SEMA3A: variants seen among roughly 807,000 people sequenced by gnomAD.
SEMA3A encodes semaphorin-3A.
In SEMA3A, 29 loss-of-function variants were observed where a neutral mutation model predicts 97.9. The ratio of observed to expected loss-of-function variants is 0.30; its 90% CI spans 0.22 to 0.40. SEMA3A has a LOEUF of 0.40. Among genes scored for constraint, SEMA3A ranks in the 10% least tolerant of loss-of-function variants. SEMA3A has a pLI of 1.00. For missense variants in SEMA3A, 763 were observed against 951.3 expected (o/e 0.80, Z 2.60); for synonymous variants, 321 against 323.7 (o/e 0.99, Z 0.09).
At chr7:84,116,988 C>G (rs1795451111) in intron 3 of SEMA3A, among the ~76,000 whole-genome samples, 1 of 152,152 alleles carries the variant, frequency 6.6e-6, no homozygotes, top group Non-Finnish European at 1.5e-5. Flanking sequence ...TTTTCACCAT[C>G]AGAACATACA....
chr7:84,429,516 TTATATATATATATATATATA>T (rs10523978), intron 1 of SEMA3A, among the ~76,000 whole-genome samples: 25 of 72,390 alleles, frequency 3.5e-4, no homozygotes, highest in East Asian at 3.0e-3. Context: ...ATAGAGTTTG[TTATATATATATATATATATA>T]TATATATATA....
chr7:84,051,497 T>G (rs1302203802), intron 5 of SEMA3A, among the ~76,000 whole-genome samples: 1 of 152,162 alleles, frequency 6.6e-6, no homozygotes, highest in Admixed American at 6.5e-5. Context: ...TCACTCATGA[T>G]TTGGCTCTCT....
intron 1 of SEMA3A, among the ~76,000 whole-genome samples, chr7:84,459,725 A>G (rs1805775219): frequency 6.6e-6 from 1 of 152,176 alleles, no homozygotes; most frequent in African/African-American, 2.4e-5. Context: ...TTTTGATTTA[A>G]TTAATAAAAT....
At chr7:84,027,239 T>C (rs963666018) in intron 6 of SEMA3A, among the ~76,000 whole-genome samples, 6 of 152,216 alleles carry the variant, frequency 3.9e-5, no homozygotes, top group Non-Finnish European at 8.8e-5. Context: ...TTGTTCCCAG[T>C]TGAATTTCCT....
At chr7:84,403,482 G>T (rs533726173) in intron 1 of SEMA3A, among the ~76,000 whole-genome samples, 1 of 152,176 alleles carries the variant, frequency 6.6e-6, no homozygotes, top group African/African-American at 2.4e-5. Context: ...GGGCACAGAC[G>T]AACAAAAGAT....
At chr7:84,162,885 A>G (rs1240254224) in intron 1 of SEMA3A, among the ~76,000 whole-genome samples, 6 of 152,184 alleles carry the variant, frequency 3.9e-5, no homozygotes, top group African/African-American at 1.4e-4. Flanking sequence ...TGCTAGCTGC[A>G]TTAGATTTGT....
intron 1 of SEMA3A, among the ~76,000 whole-genome samples, chr7:84,425,590 A>T (rs1237309993): frequency 6.8e-6 from 1 of 146,546 alleles, no homozygotes; most frequent in East Asian, 2.0e-4. Flanking sequence ...TGATATAAAT[A>T]TAAACATATT....
chr7:84,464,982 G>GT (rs1805953464), intron 1 of SEMA3A, among the ~76,000 whole-genome samples: 1 of 152,104 alleles, frequency 6.6e-6, no homozygotes, highest in African/African-American at 2.4e-5. Flanking sequence ...TATGTGAGGA[G>GT]TAAACATAAA....
At chr7:84,239,783 A>G (rs1799317452) in intron 3 of SEMA3A, among the ~76,000 whole-genome samples, 1 of 152,104 alleles carries the variant, frequency 6.6e-6, no homozygotes, top group African/African-American at 2.4e-5. Flanking sequence ...AATGAAACTG[A>G]TTTTGTGAAT....
chr7:84,016,406 C>T (rs1012870286), intron 6 of SEMA3A, among the ~76,000 whole-genome samples: 1 of 151,860 alleles, frequency 6.6e-6, no homozygotes, highest in African/African-American at 2.4e-5. Context: ...AGCGTGGTGG[C>T]GGGCTCCTGT....
intron 1 of SEMA3A, among the ~76,000 whole-genome samples, chr7:84,468,189 C>T (rs1338393760): frequency 1.3e-5 from 2 of 152,166 alleles, no homozygotes; most frequent in Non-Finnish European, 2.9e-5. Flanking sequence ...AATTGGAACA[C>T]TCTCTTCCCC....
At chr7:84,281,490 G>C (rs1358266033) in intron 3 of SEMA3A, among the ~76,000 whole-genome samples, 2 of 152,138 alleles carry the variant, frequency 1.3e-5, no homozygotes, top group Non-Finnish European at 2.9e-5. Flanking sequence ...ATTATACTTG[G>C]ATAGGATTAG....
intron 4 of SEMA3A, among the ~76,000 whole-genome samples, chr7:84,065,673 C>A (rs1318226032): frequency 5.3e-5 from 8 of 151,962 alleles, no homozygotes; most frequent in Non-Finnish European, 7.4e-5. Context: ...AATCTAGAAG[C>A]AATGGATAAA....
intron 3 of SEMA3A, among the ~76,000 whole-genome samples, chr7:84,254,173 C>T (rs1167566814): frequency 5.3e-5 from 8 of 152,124 alleles, no homozygotes; most frequent in Non-Finnish European, 1.0e-4. Context: ...TTATTCTAAA[C>T]TTCTCATGAT....
chr7:84,315,005 ATAT>A (rs1460894448), intron 2 of SEMA3A, among the ~76,000 whole-genome samples: 1 of 152,176 alleles, frequency 6.6e-6, no homozygotes, highest in Non-Finnish European at 1.5e-5. Flanking sequence ...TTAACTGAAA[ATAT>A]TATCTGGAGA....
chr7:84,169,283 T>C (rs1256445130), intron 1 of SEMA3A, among the ~76,000 whole-genome samples: 1 of 151,306 alleles, frequency 6.6e-6, no homozygotes, highest in Non-Finnish European at 1.5e-5. Context: ...TAAACCTATC[T>C]CTCCCACAAG....
chr7:84,455,970 T>C (rs1034623913), intron 1 of SEMA3A, among the ~76,000 whole-genome samples: 12 of 151,950 alleles, frequency 7.9e-5, no homozygotes, highest in Admixed American at 6.5e-4. Flanking sequence ...GAAGGTCATA[T>C]GGATACATAT....
intron 1 of SEMA3A, among the ~76,000 whole-genome samples, chr7:84,189,948 T>A (rs1365588888): frequency 6.6e-6 from 1 of 151,634 alleles, no homozygotes; most frequent in Non-Finnish European, 1.5e-5. Flanking sequence ...GTATTTCATG[T>A]CACTGACAAT....
intron 6 of SEMA3A, among the ~76,000 whole-genome samples, chr7:84,039,579 G>T (rs1027617136): frequency 6.6e-6 from 1 of 152,040 alleles, no homozygotes; most frequent in African/African-American, 2.4e-5. Context: ...TATTGGAGAG[G>T]TCACTTAGGA....
Sources: allele counts gnomAD v4.1 joint callset (sites outside exome capture counted in the v4.1 genomes callset), GRCh38; gene constraint gnomAD v4.1.1; transcripts MANE v1.5; gene names NCBI Gene and HGNC (gene_info 2026-07-23, HGNC 2026-07-21).